Variants in ZFAND3 observed in about 807,000 individuals in gnomAD.
The protein encoded by ZFAND3 is zinc finger AN1-type containing 3.
In ZFAND3, 10 loss-of-function variants were observed where a neutral mutation model predicts 29.6. That is an observed-to-expected ratio of 0.34 (90% CI 0.21 to 0.57). The LOEUF is 0.57. Among genes scored for constraint, ZFAND3 ranks in the 20% least tolerant of loss-of-function variants. ZFAND3 has a pLI of 0.86. For synonymous variants in ZFAND3, 128 were observed against 112.6 expected, an observed-to-expected ratio of 1.14 and a Z score of -0.87; for missense variants, 230 against 304.5, an observed-to-expected ratio of 0.76 and a Z score of 1.82.
intron 5 of ZFAND3, 100 bp from the exon 6 acceptor site, chr6:38,152,135 G>C: frequency 8.7e-7 from 1 of 1,154,776 alleles, no homozygotes; most frequent in Non-Finnish European, 1.2e-6. Flanking sequence ...TCCACTCACT[G>C]GGATGCCCCT....
intron 2 of ZFAND3, among the ~76,000 whole-genome samples, chr6:37,991,899 T>C (rs958025170): frequency 6.6e-6 from 1 of 152,222 alleles, no homozygotes; most frequent in Non-Finnish European, 1.5e-5. Context: ...TATTAAACTT[T>C]TGTATTTGTT....
intron 1 of ZFAND3, among the ~76,000 whole-genome samples, chr6:37,861,117 C>T (rs905925886): frequency 6.6e-6 from 1 of 152,000 alleles, no homozygotes; most frequent in Non-Finnish European, 1.5e-5. Context: ...ATTAGCCAGG[C>T]ATGGTGGCAC....
intron 2 of ZFAND3, among the ~76,000 whole-genome samples, chr6:38,027,028 C>T (rs1012855794): frequency 4.6e-5 from 7 of 152,140 alleles, no homozygotes; most frequent in African/African-American, 1.4e-4. Context: ...CTATTCCGTT[C>T]CCTAAATATT....
intron 4 of ZFAND3, among the ~76,000 whole-genome samples, chr6:38,115,765 G>A (rs1334811920): frequency 6.6e-6 from 1 of 152,166 alleles, no homozygotes; most frequent in Non-Finnish European, 1.5e-5. Flanking sequence ...GGCAAGAGTC[G>A]TTTACAGCCT....
intron 1 of ZFAND3, among the ~76,000 whole-genome samples, chr6:37,891,929 G>GT (rs1454301602): frequency 1.3e-5 from 2 of 152,008 alleles, no homozygotes; most frequent in Non-Finnish European, 2.9e-5. Context: ...GGGTTTCACT[G>GT]TGTTGCCCAG....
In ZFAND3 at chr6:38,038,622, CG is replaced by C. The variant is rs1426334145; in HGVS notation, c.113-22970del. ...AGGAGAATGAAAGTCGTTTCCCCCC[CG>C]CTTTGGTGCTTTATTTTATTTTTTT... On this transcript the variant is annotated intron_variant, in intron 2 of 5. Transcript: ENST00000287218. 4.6e-5 allele frequency among the ~76,000 whole-genome samples: 7 copies of C among 152,054 alleles called. No homozygotes were observed. In the East Asian group the frequency reaches 5.8e-4, roughly 13 times the overall value.
chr6:37,997,389 G>T (rs1304858056), intron 2 of ZFAND3, among the ~76,000 whole-genome samples: 1 of 152,190 alleles, frequency 6.6e-6, no homozygotes, highest in Non-Finnish European at 1.5e-5. Flanking sequence ...AATGATAGAA[G>T]AGGGTTAAGG....
chr6:37,820,263 C>T (rs1044800381), intron 1 of ZFAND3, among the ~76,000 whole-genome samples: 11 of 151,832 alleles, frequency 7.2e-5, no homozygotes, highest in Non-Finnish European at 1.5e-4. Flanking sequence ...AGCTCGGGCC[C>T]ACGGGGGCCT....
At chr6:37,883,450 G>GTTGCTGTTGCAT (rs1159476118) in intron 1 of ZFAND3, among the ~76,000 whole-genome samples, 1 of 147,102 alleles carries the variant, frequency 6.8e-6, no homozygotes, top group Admixed American at 6.6e-5. Context: ...AAAGTACCCA[G>GTTGCTGTTGCAT]ACTACAAATG....
intron 2 of ZFAND3, among the ~76,000 whole-genome samples, chr6:37,966,770 C>G (rs1762300435): frequency 6.6e-6 from 1 of 152,058 alleles, no homozygotes; most frequent in Non-Finnish European, 1.5e-5. Context: ...AGATTGTTAC[C>G]ATCTAATCCT....
intron 2 of ZFAND3, among the ~76,000 whole-genome samples, chr6:38,045,174 G>A (rs1053727284): frequency 2.6e-5 from 4 of 151,126 alleles, no homozygotes; most frequent in South Asian, 2.1e-4. Context: ...TGCAACCTCC[G>A]CCTCCTGGGT....
intron 2 of ZFAND3, among the ~76,000 whole-genome samples, chr6:38,012,932 A>T (rs1763184541): frequency 6.6e-6 from 1 of 152,238 alleles, no homozygotes; most frequent in African/African-American, 2.4e-5. Context: ...GGAGTAATCT[A>T]GAGGAATAAC....
At chr6:37,957,152 T>C (rs950323525) in intron 2 of ZFAND3, among the ~76,000 whole-genome samples, 3 of 152,256 alleles carry the variant, frequency 2.0e-5, no homozygotes, top group African/African-American at 7.2e-5. Flanking sequence ...TTAGTCTTTC[T>C]GTCCATGTGT....
chr6:38,154,522 A>G lies in ZFAND3; in HGVS notation c.*2133A>G. The G allele has an allele frequency of 1.0e-6, 1 of 978,256 alleles. No individual in the cohort carries two copies. The allele number at this position is 978,256 out of a possible 1,614,324, so 60.6% of individuals were successfully genotyped here. A position where few individuals can be genotyped will look rare whatever the true frequency, so the allele number is the denominator to read the frequency against. ...CTAGATTTACTTACACACATAGCCT[A>G]GAGCTCAGTTTTAGTTTTAACATTG... On this transcript the variant is annotated 3_prime_UTR_variant, in exon 6 of 6. Coordinates refer to ENST00000287218, the MANE Select transcript of ZFAND3 (RefSeq NM_021943.3).
At chr6:37,915,428 C>T (rs938153246) in intron 1 of ZFAND3, 6 of 152,204 alleles carry the variant, frequency 3.9e-5, no homozygotes, top group African/African-American at 1.4e-4. Flanking sequence ...TTTCAACATG[C>T]CTTTCTCACT....
intron 4 of ZFAND3, among the ~76,000 whole-genome samples, chr6:38,116,117 T>G (rs1007462202): frequency 2.6e-5 from 4 of 152,194 alleles, no homozygotes; most frequent in Non-Finnish European, 5.9e-5. Context: ...GAAAGCATAG[T>G]GATACAGAGA....
intron 5 of ZFAND3, among the ~76,000 whole-genome samples, chr6:38,144,174 A>T (rs1456045222): frequency 1.1e-4 from 2 of 17,684 alleles, no homozygotes; most frequent in African/African-American, 4.1e-4. Flanking sequence ...AAAATGTGAT[A>T]TATATATATA....
At chr6:37,823,850 G>T (rs1763711200) in intron 1 of ZFAND3, among the ~76,000 whole-genome samples, 1 of 151,794 alleles carries the variant, frequency 6.6e-6, no homozygotes. Flanking sequence ...GGAGTGCAAT[G>T]GCGCAAGCTT....
chr6:37,907,109 T>C (rs1765422470), intron 1 of ZFAND3, among the ~76,000 whole-genome samples: 1 of 152,178 alleles, frequency 6.6e-6, no homozygotes, highest in South Asian at 2.1e-4. Context: ...TGATGCCTGA[T>C]TCCATGCTTG....
Sources: gnomAD v4.1 joint callset for allele counts (sites outside exome capture counted in the v4.1 genomes callset) on GRCh38, gnomAD v4.1.1 for gene constraint, MANE v1.5 for transcripts, NCBI Gene and HGNC (gene_info 2026-07-23, HGNC 2026-07-21) for gene names.